ARHGAP15: variants seen among roughly 807,000 people sequenced by gnomAD.
ARHGAP15 encodes the protein Rho GTPase activating protein 15.
A neutral mutation model predicts 63.7 loss-of-function variants in ARHGAP15; 51 were observed. That is an observed-to-expected ratio of 0.80 (90% CI 0.64 to 1.01). ARHGAP15 has a LOEUF of 1.01. Among genes scored for constraint, ARHGAP15 ranks in the 50% least tolerant of loss-of-function variants. The pLI, the probability that ARHGAP15 is intolerant of heterozygous loss-of-function variation, is 0.00. For synonymous variants in ARHGAP15, 191 were observed against 193.8 expected (o/e 0.99, Z 0.12); for missense variants, 560 against 564.6 (o/e 0.99, Z 0.08).
In ARHGAP15 at chr2:143,202,122, A is replaced by G. The variant is rs1459883311; in HGVS notation, c.166-12A>G. 6.2e-7 allele frequency: 1 copy of G among 1,602,100 alleles called. No homozygotes were observed. Among genetic ancestry groups the G allele is most frequent in the South Asian group, 1.1e-5 (1 of 90,788 alleles). On this transcript the variant is annotated splice_polypyrimidine_tract_variant and intron_variant, in intron 2 of 13. Transcript: ENST00000295095. ...AATTATGTAATAATATCCAATGTCA[A>G]TATATTTGCAGATATCCAGACACAG...
At chr2:143,441,032 G>T (rs1172125601) in intron 8 of ARHGAP15, among the ~76,000 whole-genome samples, 2 of 152,082 alleles carry the variant, frequency 1.3e-5, no homozygotes, top group Non-Finnish European at 2.9e-5. Context: ...GTCCTTAAAG[G>T]ATCGTGTGAG....
At chr2:143,262,645 C>T (rs1030406546) in intron 6 of ARHGAP15, among the ~76,000 whole-genome samples, 33 of 148,616 alleles carry the variant, frequency 2.2e-4, no homozygotes, top group African/African-American at 5.4e-4. Context: ...ACTGAATCAT[C>T]TGACTTCCAG....
At chr2:143,199,364 C>T (rs1343722363) in intron 2 of ARHGAP15, among the ~76,000 whole-genome samples, 1 of 152,138 alleles carries the variant, frequency 6.6e-6, no homozygotes, top group Non-Finnish European at 1.5e-5. Context: ...ACTTATGTAA[C>T]AGTTAGATGG....
chr2:143,243,645 A>T (rs1274890784), intron 5 of ARHGAP15, among the ~76,000 whole-genome samples: 1 of 152,166 alleles, frequency 6.6e-6, no homozygotes, highest in Non-Finnish European at 1.5e-5. Flanking sequence ...TTTCTATTAA[A>T]GGATTCTTTA....
chr2:143,277,719 G>T (rs1681630800), intron 6 of ARHGAP15, among the ~76,000 whole-genome samples: 1 of 151,996 alleles, frequency 6.6e-6, no homozygotes, highest in South Asian at 2.1e-4. Context: ...GGTAAAATGG[G>T]CCATGATTCC....
chr2:143,369,007 T>C lies in ARHGAP15; in HGVS notation c.475-66594T>C, dbSNP rs13011772. ...TTAGAATGATACTTTCTTTATTGCATAAATGAATAGTGACACATTCAGACT... is the reference window on the plus strand; with the variant it reads ...TTAGAATGATACTTTCTTTATTGCACAAATGAATAGTGACACATTCAGACT... On this transcript the variant is annotated intron_variant, in intron 6 of 13. Coordinates refer to ENST00000295095, the MANE Select transcript of ARHGAP15 (RefSeq NM_018460.4). Among the ~76,000 whole-genome samples the C allele has an allele frequency of 4.4e-3, 676 of 152,208 alleles. 8 individuals carry two copies. The highest frequency in any genetic ancestry group is 6.8e-3 in the Non-Finnish European group (459 of 67,958).
chr2:143,534,751 G>A (rs1385559651), intron 10 of ARHGAP15, among the ~76,000 whole-genome samples: 1 of 151,892 alleles, frequency 6.6e-6, no homozygotes, highest in South Asian at 2.1e-4. Context: ...GCGTGGTGGT[G>A]TGTGCCTGCA....
At chr2:143,519,104 TGTG>T in intron 9 of ARHGAP15, 159 bp from the exon 10 acceptor site, 1 of 499,930 alleles carries the variant, frequency 2.0e-6, no homozygotes, top group East Asian at 3.8e-5. Context: ...AGGAGGGAGT[TGTG>T]GTCTTCATAT....
intron 12 of ARHGAP15, among the ~76,000 whole-genome samples, chr2:143,700,367 G>A (rs1684031303): frequency 6.6e-6 from 1 of 152,080 alleles, no homozygotes. Context: ...TATAAGTAAA[G>A]TTTGCTGGTT....
intron 6 of ARHGAP15, among the ~76,000 whole-genome samples, chr2:143,342,682 T>G (rs536289276): frequency 6.6e-6 from 1 of 152,102 alleles, no homozygotes; most frequent in African/African-American, 2.4e-5. Flanking sequence ...ATTTCTTTGT[T>G]AAGTCTGTGT....
chr2:143,616,951 G>T (rs1299709778), intron 11 of ARHGAP15, among the ~76,000 whole-genome samples: 1 of 152,176 alleles, frequency 6.6e-6, no homozygotes, highest in Non-Finnish European at 1.5e-5. Context: ...TAGAGTCTCA[G>T]GTGATGGCAA....
intron 6 of ARHGAP15, among the ~76,000 whole-genome samples, chr2:143,273,535 TAACTC>T (rs1296942304): frequency 1.3e-5 from 2 of 152,302 alleles, no homozygotes; most frequent in African/African-American, 4.8e-5. Context: ...ATGTTCAACC[TAACTC>T]TAGTTAATAA....
chr2:143,256,787 ATATG>A (rs1680449262), intron 6 of ARHGAP15, among the ~76,000 whole-genome samples: 1 of 152,132 alleles, frequency 6.6e-6, no homozygotes, highest in Non-Finnish European at 1.5e-5. Context: ...TGATTTAAGA[ATATG>A]AATGTCAGGG....
chr2:143,317,061 T>C (rs1683754579), intron 6 of ARHGAP15, among the ~76,000 whole-genome samples: 1 of 152,184 alleles, frequency 6.6e-6, no homozygotes, highest in Admixed American at 6.5e-5. Flanking sequence ...TCTCTCCAAC[T>C]TTACCCTGCA....
At chr2:143,316,493 C>A (rs1459939775) in intron 6 of ARHGAP15, among the ~76,000 whole-genome samples, 3 of 149,516 alleles carry the variant, frequency 2.0e-5, no homozygotes, top group Non-Finnish European at 4.4e-5. Flanking sequence ...CTGGCAGAAT[C>A]TCGCTATTTG....
chr2:143,397,344 G>A (rs967682491), intron 6 of ARHGAP15, among the ~76,000 whole-genome samples: 6 of 148,260 alleles, frequency 4.0e-5, no homozygotes, highest in Non-Finnish European at 7.4e-5. Flanking sequence ...GTGTGTGTGT[G>A]TGTATATATA....
rs143424060 is a variant in ARHGAP15 at position 143,383,162 on chromosome 2, A to G, written c.475-52439A>G. On this transcript the variant is annotated intron_variant, in intron 6 of 13. Coordinates refer to ENST00000295095, the MANE Select transcript of ARHGAP15 (RefSeq NM_018460.4). ...CCATTTAAAAAGTCTTTTAAATTAT[A>G]CTAGGGATAGGAAAAAAACACATTA... Among the ~76,000 whole-genome samples the G allele has an allele frequency of 7.0e-3, 1,071 of 152,326 alleles. 9 individuals carry two copies. The highest frequency in any genetic ancestry group is 0.023 in the South Asian group (113 of 4,830).
intron 12 of ARHGAP15, among the ~76,000 whole-genome samples, chr2:143,633,277 G>A (rs1191376928): frequency 2.6e-5 from 4 of 152,088 alleles, no homozygotes; most frequent in Non-Finnish European, 5.9e-5. Flanking sequence ...TATTCATAAT[G>A]AAATTGAAGA....
intron 2 of ARHGAP15, among the ~76,000 whole-genome samples, chr2:143,171,678 G>C (rs1416652292): frequency 6.6e-6 from 1 of 152,032 alleles, no homozygotes; most frequent in African/African-American, 2.4e-5. Flanking sequence ...TTATCAAACT[G>C]CCTCAAGCTG....
Sources: allele counts gnomAD v4.1 joint callset (sites outside exome capture counted in the v4.1 genomes callset), GRCh38; gene constraint gnomAD v4.1.1; transcripts MANE v1.5; gene names NCBI Gene and HGNC (gene_info 2026-07-23, HGNC 2026-07-21).